DCHS2: variants seen among roughly 807,000 people sequenced by gnomAD.
DCHS2 encodes dachsous cadherin-related 2.
In DCHS2, 142 loss-of-function variants were observed where a neutral mutation model predicts 182.4. That is an observed-to-expected ratio of 0.78 (90% confidence interval 0.68 to 0.89). DCHS2 has a LOEUF of 0.89. DCHS2 is among the 40% of genes least tolerant of loss of function. DCHS2 has a pLI of 0.00. For synonymous variants in DCHS2, 1,740 were observed against 1,663.3 expected (o/e 1.05, Z -1.12); for missense variants, 4,319 against 4,198.6 (o/e 1.03, Z -0.79).
At chr4:154,489,016 A>G (rs116468443) in intron 1 of DCHS2, among the ~76,000 whole-genome samples, 13 of 152,114 alleles carry the variant, frequency 8.5e-5, no homozygotes, top group Non-Finnish European at 1.5e-4. Flanking sequence ...TCCTGAACCT[A>G]TTTAGGTGCA....
intron 1 of DCHS2, among the ~76,000 whole-genome samples, chr4:154,406,195 T>C (rs529883791): frequency 6.6e-6 from 1 of 152,360 alleles, no homozygotes; most frequent in Admixed American, 6.5e-5. Flanking sequence ...CATGGTCCTA[T>C]GGTAAACACC....
At chr4:154,422,554 C>T (rs1733156740) in intron 1 of DCHS2, among the ~76,000 whole-genome samples, 1 of 152,154 alleles carries the variant, frequency 6.6e-6, no homozygotes, top group Admixed American at 6.5e-5. Context: ...ATTCTTGGTC[C>T]CCATCCAATC....
intron 1 of DCHS2, among the ~76,000 whole-genome samples, chr4:154,459,156 T>C (rs748266293): frequency 6.6e-6 from 1 of 152,076 alleles, no homozygotes; most frequent in Non-Finnish European, 1.5e-5. Context: ...AAGTAGCAGC[T>C]CCCATAGAAC....
chr4:154,476,804 A>G (rs900308411), intron 1 of DCHS2, among the ~76,000 whole-genome samples: 4 of 152,202 alleles, frequency 2.6e-5, no homozygotes, highest in Non-Finnish European at 5.9e-5. Flanking sequence ...GTCAGGTTCT[A>G]TCTGATATAT....
chr4:154,263,941 A>G (rs562664607), intron 14 of DCHS2, among the ~76,000 whole-genome samples: 1 of 152,174 alleles, frequency 6.6e-6, no homozygotes, highest in South Asian at 2.1e-4. Flanking sequence ...TGGCCAAAAA[A>G]CCACCAGAAG....
chr4:154,433,511 C>T (rs917459245), intron 1 of DCHS2, among the ~76,000 whole-genome samples: 2 of 145,196 alleles, frequency 1.4e-5, no homozygotes, highest in Middle Eastern at 3.9e-3. Flanking sequence ...TCTTCTGACT[C>T]AGCCTCCCAA....
intron 2 of DCHS2, 64 bp downstream of exon 2, chr4:154,377,189 T>A (rs1334432221): frequency 2.0e-6 from 3 of 1,472,500 alleles, no homozygotes; most frequent in Non-Finnish European, 2.8e-6. Flanking sequence ...TGGTCCTCTG[T>A]GATGTATACA....
intron 13 of DCHS2, among the ~76,000 whole-genome samples, chr4:154,290,813 A>G (rs1316066837): frequency 6.6e-6 from 1 of 152,164 alleles, no homozygotes; most frequent in Non-Finnish European, 1.5e-5. Context: ...ATTTAAACTT[A>G]AGACCTCAAA....
chr4:154,308,071 C>T (rs1406508405), intron 10 of DCHS2, among the ~76,000 whole-genome samples: 1 of 152,040 alleles, frequency 6.6e-6, no homozygotes, highest in Non-Finnish European at 1.5e-5. Context: ...CTTTTATCTC[C>T]TCCTCTTTGT....
Position 154,316,003 on chromosome 4 carries a change from A to T in DCHS2, c.5021-16T>A. On this transcript the variant is annotated splice_polypyrimidine_tract_variant and intron_variant, in intron 9 of 19. Transcript: ENST00000357232. ...GTTAGTAAGCCTGTTTTGAAAATGG[A>T]AGAAAAGCAACATGTAATGAATATT... 2 of 1,612,298 alleles carry T rather than the reference A, an allele frequency of 1.2e-6. No homozygotes were observed. The highest frequency in any genetic ancestry group is 1.7e-6 in the Non-Finnish European group (2 of 1,178,620).
intron 1 of DCHS2, among the ~76,000 whole-genome samples, chr4:154,417,196 TGTGTGTGTGAGAGA>T (rs1314766789): frequency 3.3e-3 from 223 of 67,024 alleles, no homozygotes; most frequent in African/African-American, 0.01. Flanking sequence ...TGTGTGTGTG[TGTGTGTGTGAGAGA>T]GAGAGAGAGA....
intron 3 of DCHS2, among the ~76,000 whole-genome samples, chr4:154,361,527 T>C (rs945198196): frequency 2.0e-5 from 3 of 152,172 alleles, no homozygotes; most frequent in African/African-American, 7.2e-5. Flanking sequence ...CTCTTGTGTT[T>C]CTTCCCGTTA....
chr4:154,331,623 T>A (rs746153721), intron 5 of DCHS2: 27 of 1,613,754 alleles, frequency 1.7e-5, no homozygotes, highest in Admixed American at 6.7e-5. Context: ...GAACAAAGGC[T>A]TGAAGTTCAT....
chr4:154,445,256 A>C (rs532471263), intron 1 of DCHS2, among the ~76,000 whole-genome samples: 27 of 152,328 alleles, frequency 1.8e-4, no homozygotes, highest in African/African-American at 6.0e-4. Flanking sequence ...AAGCCTCCAT[A>C]AATAAATATT....
chr4:154,356,027 A>G (rs541439540), intron 3 of DCHS2, among the ~76,000 whole-genome samples: 2 of 152,244 alleles, frequency 1.3e-5, no homozygotes, highest in East Asian at 3.9e-4. Flanking sequence ...ACAGCCACAG[A>G]CAGGTCCTTC....
intron 1 of DCHS2, among the ~76,000 whole-genome samples, chr4:154,482,363 A>C (rs1735954991): frequency 6.6e-6 from 1 of 152,208 alleles, no homozygotes; most frequent in South Asian, 2.1e-4. Context: ...ACTTCTTGAC[A>C]CTAACAGATG....
In DCHS2 at chr4:154,490,789, T is replaced by C. The variant is rs1433295872; in HGVS notation, c.567A>G (p.Pro189=). 2 of 1,551,538 alleles carry C rather than the reference T, an allele frequency of 1.3e-6. No homozygotes were observed. The highest frequency in any genetic ancestry group is 8.7e-7 in the Non-Finnish European group (1 of 1,146,876). ...GTCCGGCGTCCGGATCGTGGGCAAC[T>C]GGCAGGCGGAAGGCGGTCCCTGGCG... ...LSPPGTAFRL[P]VAHDPDAGLF... is the part of the protein sequence containing the mutation. Residue 189 remains proline (P), a synonymous_variant, in exon 1 of 20, where the codon CCA becomes CCG. Transcript: ENST00000357232.
intron 1 of DCHS2, among the ~76,000 whole-genome samples, chr4:154,383,519 T>C (rs1313462079): frequency 6.6e-6 from 1 of 152,188 alleles, no homozygotes; most frequent in Admixed American, 6.5e-5. Context: ...TAATTTTTAT[T>C]ACTTCCTTCA....
chr4:154,246,903 C>T (rs1296698589), intron 16 of DCHS2, among the ~76,000 whole-genome samples: 1 of 151,930 alleles, frequency 6.6e-6, no homozygotes, highest in African/African-American at 2.4e-5. Flanking sequence ...AAGAATTCAT[C>T]TAGGCAATCC....
Sources: allele counts gnomAD v4.1 joint callset (sites outside exome capture counted in the v4.1 genomes callset), GRCh38; gene constraint gnomAD v4.1.1; transcripts MANE v1.5; gene names NCBI Gene and HGNC (gene_info 2026-07-23, HGNC 2026-07-21).